Variants in TAF4 observed in about 807,000 individuals in gnomAD.
TAF4 encodes the protein TATA-box binding protein associated factor 4, also known as transcription initiation factor TFIID subunit 4.
In TAF4, 9 loss-of-function variants were observed where a neutral mutation model predicts 90.3. The ratio of observed to expected loss-of-function variants is 0.10; its 90% CI spans 0.06 to 0.17. The LOEUF (loss-of-function observed/expected upper bound fraction) is 0.17. Among genes scored for constraint, TAF4 ranks in the 10% least tolerant of loss-of-function variants. The probability of loss-of-function intolerance (pLI) is 1.00; values close to 1 mark genes in which losing one functional copy is unlikely to be tolerated. For missense variants in TAF4, 1,351 were observed against 1,370.7 expected, an observed-to-expected ratio of 0.99 and a Z score of 0.23; for synonymous variants, 818 against 638.9, an observed-to-expected ratio of 1.28 and a Z score of -4.23.
chr20:62,002,730 A>G (rs2055714902), intron 9 of TAF4, among the ~76,000 whole-genome samples: 1 of 152,170 alleles, frequency 6.6e-6, no homozygotes, highest in African/African-American at 2.4e-5. Flanking sequence ...CCCGGGCTCA[A>G]GCGATTCTCC....
At chr20:62,063,758 C>A (rs757492894) in intron 1 of TAF4, among the ~76,000 whole-genome samples, 3 of 152,248 alleles carry the variant, frequency 2.0e-5, no homozygotes, top group Non-Finnish European at 4.4e-5. Context: ...GTGACACACA[C>A]GGTGCTGAAA....
intron 1 of TAF4, among the ~76,000 whole-genome samples, chr20:62,021,800 G>A (rs1474576055): frequency 6.6e-6 from 1 of 151,092 alleles, no homozygotes; most frequent in South Asian, 2.1e-4. Context: ...TTTTTTTTTT[G>A]AAACAGAGTC....
intron 1 of TAF4, among the ~76,000 whole-genome samples, chr20:62,023,066 C>A (rs1192482101): frequency 6.6e-6 from 1 of 152,232 alleles, no homozygotes; most frequent in Non-Finnish European, 1.5e-5. Context: ...AAAGTCCCAG[C>A]AGCCTCCTGT....
chr20:61,989,338 C>T (rs993754460), intron 14 of TAF4, among the ~76,000 whole-genome samples: 1 of 152,028 alleles, frequency 6.6e-6, no homozygotes. Context: ...GGAAAGTGCA[C>T]GTGGCAATAA....
intron 14 of TAF4, among the ~76,000 whole-genome samples, chr20:61,987,018 A>G (rs1259344978): frequency 6.6e-6 from 1 of 152,218 alleles, no homozygotes; most frequent in African/African-American, 2.4e-5. Flanking sequence ...TTACACAGAG[A>G]AAAAGAGTAA....
chr20:62,002,809 T>C (rs1246548189), intron 9 of TAF4, among the ~76,000 whole-genome samples: 3 of 152,254 alleles, frequency 2.0e-5, no homozygotes, highest in African/African-American at 7.2e-5. Flanking sequence ...ACAGCATTTC[T>C]GAGGGTTCTG....
At chr20:62,042,699 T>A (rs1600858034) in intron 1 of TAF4, among the ~76,000 whole-genome samples, 1 of 152,374 alleles carries the variant, frequency 6.6e-6, no homozygotes, top group Admixed American at 6.5e-5. Context: ...GTTTCAATGA[T>A]AATTAGCAAC....
intron 1 of TAF4, among the ~76,000 whole-genome samples, chr20:62,030,499 G>A (rs570285314): frequency 3.9e-5 from 6 of 152,264 alleles, no homozygotes; most frequent in Admixed American, 6.5e-5. Context: ...TGCCCATTTC[G>A]GCTTTTTCTT....
chr20:61,983,926 C>G (rs1354946006), intron 14 of TAF4, among the ~76,000 whole-genome samples: 1 of 152,120 alleles, frequency 6.6e-6, no homozygotes, highest in African/African-American at 2.4e-5. Context: ...TGACGTGTGA[C>G]AAAGACAGAT....
At chr20:62,021,214 A>AAAAAAGGT (rs1285302105) in intron 1 of TAF4, among the ~76,000 whole-genome samples, 6 of 152,342 alleles carry the variant, frequency 3.9e-5, no homozygotes, top group African/African-American at 1.4e-4. Flanking sequence ...ACTAGGTCTC[A>AAAAAAGGT]AAAAAGGTAT....
At chr20:62,017,606 C>T (rs549542236) in intron 1 of TAF4, among the ~76,000 whole-genome samples, 43 of 152,198 alleles carry the variant, frequency 2.8e-4, no homozygotes, top group African/African-American at 9.6e-4. Context: ...GAGATCGTGC[C>T]GCTGCACTCC....
intron 1 of TAF4, 74 bp from the exon 2 acceptor site, chr20:62,014,781 G>C: frequency 1.9e-6 from 3 of 1,556,424 alleles, no homozygotes; most frequent in Non-Finnish European, 2.6e-6. Context: ...CCTGACCCAG[G>C]GGAAGCTGAC....
chr20:62,062,369 T>C (rs1210603214), intron 1 of TAF4, among the ~76,000 whole-genome samples: 1 of 152,244 alleles, frequency 6.6e-6, no homozygotes, highest in Non-Finnish European at 1.5e-5. Context: ...AAGAAGGTAC[T>C]CTGGTTTGGG....
chr20:62,051,030 C>T (rs2056024191), intron 1 of TAF4, among the ~76,000 whole-genome samples: 1 of 152,216 alleles, frequency 6.6e-6, no homozygotes, highest in African/African-American at 2.4e-5. Context: ...CTGAAGTCAA[C>T]AGCACACTCT....
At chr20:62,013,053 T>C (rs2055788888) in intron 2 of TAF4, 119 bp from the exon 3 acceptor site, 5 of 1,398,758 alleles carry the variant, frequency 3.6e-6, no homozygotes, top group Non-Finnish European at 4.7e-6. Flanking sequence ...CCCAGGCTTA[T>C]CCGTGATCTG....
Position 61,975,346 on chromosome 20 carries a change from AAC to A in TAF4, c.*820_*821del, listed in dbSNP as rs1464303367. The A allele has an allele frequency of 9.2e-5, 14 of 152,572 alleles. No homozygotes were observed. Among genetic ancestry groups the A allele is most frequent in the African/African-American group, 2.6e-4 (11 of 41,546 alleles). 9.5% of individuals were successfully genotyped at this position (152,572 alleles called of 1,614,324 possible). On this transcript the variant is annotated 3_prime_UTR_variant, in exon 15 of 15. Coordinates refer to ENST00000252996, the MANE Select transcript of TAF4 (RefSeq NM_003185.4). ...TTTCAACACTTGATTCACACCGAGAAACAGTCTTTTGATGATTCTTCTCAACT... is the reference window on the plus strand; with the variant it reads ...TTTCAACACTTGATTCACACCGAGAAAGTCTTTTGATGATTCTTCTCAACT...
rs200023709 is a variant in TAF4 at position 62,009,997 on chromosome 20, C to T, written c.1761+49G>A. The T allele has an allele frequency of 3.7e-5, 60 of 1,606,862 alleles. 2 individuals are homozygous for T. In the Admixed American group the frequency reaches 4.3e-4, roughly 12 times the overall value. On this transcript the variant is annotated intron_variant, in intron 4 of 14. Transcript: ENST00000252996. Reference sequence around the variant, plus strand: ...TCTCAAGGCTGCATTTTCTGACCTGCGCCACGGGCCTGACCGTCTTTGAAG... The same window carrying T: ...TCTCAAGGCTGCATTTTCTGACCTGTGCCACGGGCCTGACCGTCTTTGAAG...
chr20:62,018,958 G>A (rs887837363), intron 1 of TAF4, among the ~76,000 whole-genome samples: 4 of 151,930 alleles, frequency 2.6e-5, no homozygotes, highest in African/African-American at 7.3e-5. Flanking sequence ...GGCCACCGCC[G>A]CCTCCCCCGC....
intron 1 of TAF4, among the ~76,000 whole-genome samples, chr20:62,028,278 C>A (rs1320056464): frequency 6.6e-6 from 1 of 152,180 alleles, no homozygotes; most frequent in Non-Finnish European, 1.5e-5. Context: ...AAAAATGCTA[C>A]CTCCTTGAAT....
Sources: gnomAD v4.1 joint callset for allele counts (sites outside exome capture counted in the v4.1 genomes callset) on GRCh38, gnomAD v4.1.1 for gene constraint, MANE v1.5 for transcripts, NCBI Gene and HGNC (gene_info 2026-07-23, HGNC 2026-07-21) for gene names.